EIF3A: variants seen among roughly 807,000 people sequenced by gnomAD.
EIF3A encodes the protein EIF3, p180 subunit.
In EIF3A, 21 loss-of-function variants were observed where a neutral mutation model predicts 186.6. The ratio of observed to expected loss-of-function variants is 0.11; its 90% CI spans 0.08 to 0.16. The LOEUF is 0.16. EIF3A is among the 10% of genes least tolerant of loss of function. The pLI is 1.00. For missense variants in EIF3A, 1,306 were observed against 1,796.3 expected, an observed-to-expected ratio of 0.73 and a Z score of 4.93; for synonymous variants, 563 against 584.3, an observed-to-expected ratio of 0.96 and a Z score of 0.52.
At chr10:119,040,594 G>A (rs182905346) in intron 19 of EIF3A, among the ~76,000 whole-genome samples, 4 of 152,326 alleles carry the variant, frequency 2.6e-5, no homozygotes, top group Non-Finnish European at 4.4e-5. Flanking sequence ...AAAACTGGCC[G>A]GGGCAGTGGC....
In EIF3A at chr10:119,042,731, T is replaced by C. The variant is rs1848228881; in HGVS notation, c.2789A>G (p.His930Arg). Reference sequence around the variant, plus strand: ...CCGGGGCCGCTCTTCATCTCTTCTATGAGACCTGTCCTCATCTCGCCCTTC... The same window carrying C: ...CCGGGGCCGCTCTTCATCTCTTCTACGAGACCTGTCCTCATCTCGCCCTTC... Reference protein sequence around the residue: ...RGEGRDEDRSHRRDEERPRRL... With the variant: ...RGEGRDEDRSRRRDEERPRRL... The change falls in exon 19 of 22, where the codon CAT becomes CGT. Residue 930 changes from histidine (H) to arginine (R), a missense_variant. Around this residue, in one of 8 missense-constraint regions of EIF3A, gnomAD observed 410 missense variants for 473.5 expected, o/e 0.87. Coordinates refer to ENST00000369144, the MANE Select transcript of EIF3A (RefSeq NM_003750.4). This position sits in a 1 kb window ranked among gnomAD's most constrained non-coding sequence, Gnocchi z 7.8. The C allele has an allele frequency of 6.2e-7, 1 of 1,613,140 alleles. No homozygotes were observed. The highest frequency in any genetic ancestry group is 1.3e-5 in the African/African-American group (1 of 74,920).
intron 17 of EIF3A, 92 bp from the exon 18 acceptor site, chr10:119,044,234 T>C (rs3740553): frequency 0.56 from 480,752 of 862,338 alleles, 136,912 homozygotes; most frequent in Middle Eastern, 0.7. Context: ...TTTGTACTTA[T>C]AACAATATGA....
rs1844062926 is a variant in EIF3A at position 119,071,070 on chromosome 10, A to C, written c.557T>G (p.Leu186Arg). Residue 186 changes from leucine to arginine, a missense_variant, in exon 5 of 22, where the codon CTC becomes CGC. Physicochemically the swap from Leu to Arg is moderately radical, Grantham distance 102. This residue lies in a region of EIF3A where 130 missense variants were observed against 259.3 expected (regional missense o/e 0.50). Transcript: ENST00000369144. The part of the protein sequence containing the change: ...DIAQQAFKFC[L>R]QYTRKAEFRK... ...GAATTCAGCCTTACGCGTGTATTGGAGGCAGAATTTGAAAGCTATAAGCAT... is the reference window on the plus strand; with the variant it reads ...GAATTCAGCCTTACGCGTGTATTGGCGGCAGAATTTGAAAGCTATAAGCAT... 6.2e-7 allele frequency: 1 copy of C among 1,613,512 alleles called. No individual in the cohort carries two copies. Among genetic ancestry groups the C allele is most frequent in the Non-Finnish European group, 8.5e-7 (1 of 1,179,518 alleles).
In EIF3A at chr10:119,049,827, G is replaced by T; in HGVS notation, c.2632C>A (p.Leu878Ile). Residue 878 changes from leucine (L) to isoleucine (I), a missense_variant, in exon 17 of 22, where the codon CTT becomes ATT. Transcript: ENST00000369144. ...RERRREEERR[L>I]GDSSLSRKDS... ...TTTCTAGAAAGGGAACTATCGCCAA[G>T]TCTTCTCTCTTCCTCTCTACGCCGT... is the stretch of plus-strand genomic sequence containing the variant. 1 of 1,613,866 alleles carries T rather than the reference G, an allele frequency of 6.2e-7. No homozygotes were observed. Among genetic ancestry groups the T allele is most frequent in the Admixed American group, 1.7e-5 (1 of 59,996 alleles).
intron 20 of EIF3A, among the ~76,000 whole-genome samples, chr10:119,037,663 C>T (rs1314404597): frequency 6.6e-6 from 1 of 152,152 alleles, no homozygotes; most frequent in Non-Finnish European, 1.5e-5. Context: ...TTGCATCGAA[C>T]ACTGCTGGTC....
At position 119,065,347 on chromosome 10, in the gene EIF3A, G is replaced by T; in HGVS notation, c.1122+52C>A. 2.9e-6 allele frequency: 4 copies of T among 1,357,214 alleles called. No individual in the cohort carries two copies. In the South Asian group the frequency reaches 3.8e-5, roughly 13 times the overall value. The allele number at this position is 1,357,214 out of a possible 1,614,324, so 84.1% of individuals were successfully genotyped here. A position where few individuals can be genotyped will look rare whatever the true frequency, so the allele number is the denominator to read the frequency against. ...TATTTAATCATGAGTTATTAAACCT[G>T]ACCACAAAGTTTTCTGCCCAAAGCT... On this transcript the variant is annotated intron_variant, in intron 7 of 21. Transcript: ENST00000369144.
intron 6 of EIF3A, among the ~76,000 whole-genome samples, chr10:119,068,971 C>CAAAA (rs59413780): frequency 9.1e-5 from 9 of 98,994 alleles, no homozygotes; most frequent in African/African-American, 1.5e-4. Context: ...CTCTGTCTTG[C>CAAAA]AAAAAAAAAA....
chr10:119,037,067 C>CA, intron 21 of EIF3A, 52 bp downstream of exon 21: 1 of 819,586 alleles, frequency 1.2e-6, no homozygotes, highest in Non-Finnish European at 1.8e-6. Context: ...AAATCCCCCC[C>CA]CCCCCAGAAA....
At chr10:119,037,519 TG>T (rs1299794946) in intron 20 of EIF3A, among the ~76,000 whole-genome samples, 2 of 152,196 alleles carry the variant, frequency 1.3e-5, no homozygotes, top group African/African-American at 4.8e-5. Flanking sequence ...TACCCATATG[TG>T]GTTACTTACA....
At chr10:119,044,942 CTTTT>C (rs78342491) in intron 17 of EIF3A, among the ~76,000 whole-genome samples, 43,836 of 138,620 alleles carry the variant, frequency 0.32, 6,396 homozygotes, top group East Asian at 0.41. Context: ...ATTTTCTTTT[CTTTT>C]TTTTTTTTTT....
At chr10:119,052,367 T>TG (rs1346083757) in intron 14 of EIF3A, among the ~76,000 whole-genome samples, 2,206 of 127,356 alleles carry the variant, frequency 0.017, 35 homozygotes, top group African/African-American at 0.043. Context: ...CTTTTTTGGT[T>TG]TTGTGTGTGT....
intron 14 of EIF3A, among the ~76,000 whole-genome samples, chr10:119,052,368 TTG>T (rs61029991): frequency 0.025 from 3,085 of 123,050 alleles, 157 homozygotes; most frequent in African/African-American, 0.081. Flanking sequence ...TTTTTTGGTT[TTG>T]TGTGTGTGTG....
intron 18 of EIF3A, among the ~76,000 whole-genome samples, chr10:119,043,051 A>G (rs1428320317): frequency 2.0e-5 from 3 of 152,136 alleles, no homozygotes; most frequent in Non-Finnish European, 4.4e-5. Flanking sequence ...TGGAAGGCCA[A>G]GGCGGGAGGA....
chr10:119,041,444 C>T lies in EIF3A; in HGVS notation c.3526+550G>A, dbSNP rs778199917. The stretch of plus-strand genomic sequence containing the variant: ...AATATTAGCAGGGTGTGGTGGCATG[C>T]GCCTGTAGTCCTAGCTACTCAGAAG... On this transcript the variant is annotated intron_variant, in intron 19 of 21. Transcript: ENST00000369144. Among the ~76,000 whole-genome samples, 15 of 151,760 alleles carry T rather than the reference C, an allele frequency of 9.9e-5. 1 individual carries two copies. Among genetic ancestry groups the T allele is most frequent in the Admixed American group, 3.9e-4 (6 of 15,242 alleles).
At chr10:119,057,685 G>A (rs1054510076) in intron 12 of EIF3A, among the ~76,000 whole-genome samples, 2 of 152,182 alleles carry the variant, frequency 1.3e-5, no homozygotes, top group African/African-American at 4.8e-5. Context: ...TGAGGCAGGA[G>A]AATCACTTGA....
intron 12 of EIF3A, among the ~76,000 whole-genome samples, chr10:119,057,600 C>A (rs1843804954): frequency 6.6e-6 from 1 of 152,176 alleles, no homozygotes; most frequent in Admixed American, 6.5e-5. Context: ...CATGGTGAAA[C>A]CCTGTCTCTA....
At chr10:119,064,973 G>C (rs1353859008) in intron 7 of EIF3A, among the ~76,000 whole-genome samples, 2 of 152,116 alleles carry the variant, frequency 1.3e-5, no homozygotes, top group African/African-American at 4.8e-5. Context: ...GCCTCCCAAA[G>C]TGCTGGGATT....
rs138338627 is a variant in EIF3A, at chr10:119,047,889, G to C, written c.2658+1912C>G. Among the ~76,000 whole-genome samples, 300 of 152,212 alleles carry C rather than the reference G, an allele frequency of 2.0e-3. 3 individuals are homozygous for C. Among genetic ancestry groups the C allele is most frequent in the African/African-American group, 6.5e-3 (268 of 41,544 alleles). On this transcript the variant is annotated intron_variant, in intron 17 of 21. Transcript: ENST00000369144. ...CAGGTGTGGCAAAAATAGAGGAGCA[G>C]AGAAAAGGCATGCAAGATATCCTTG...
intron 1 of EIF3A, among the ~76,000 whole-genome samples, chr10:119,074,467 C>G (rs1844125497): frequency 5.9e-5 from 1 of 16,950 alleles, no homozygotes; most frequent in South Asian, 3.7e-3. Flanking sequence ...TTCCGTGTCT[C>G]AAAAAAAAAA....
Sources: allele counts gnomAD v4.1 joint callset (sites outside exome capture counted in the v4.1 genomes callset), GRCh38; gene constraint gnomAD v4.1.1; regional missense constraint gnomAD v4.1.1; non-coding constraint Gnocchi (gnomAD v3.1); transcripts MANE v1.5; gene names NCBI Gene and HGNC (gene_info 2026-07-23, HGNC 2026-07-21).